The following NRXN3 variants were observed in gnomAD, a reference collection of about 807,000 sequenced individuals.
The protein encoded by NRXN3 is neurexin III.
In NRXN3, 32 loss-of-function variants were observed where a neutral mutation model predicts 137.6. The observed-to-expected ratio is 0.23, with a 90% confidence interval of 0.18 to 0.31. The LOEUF (loss-of-function observed/expected upper bound fraction) is 0.31. Among genes scored for constraint, NRXN3 ranks in the 10% least tolerant of loss-of-function variants. The pLI, the probability that NRXN3 is intolerant of heterozygous loss-of-function variation, is 1.00. For synonymous variants in NRXN3, 798 were observed against 784.5 expected (o/e 1.02, Z -0.29); for missense variants, 1,574 against 2,062.5 (o/e 0.76, Z 4.59).
Position 78,173,709 on chromosome 14 carries a change from C to CT in NRXN3, c.-704+3050dup, listed in dbSNP as rs10638142. ...CGGCTCTTTTTTCCCTTTTTCCTTG[C>CT]TTTTTTTTTTTTTTTGCAACACAAC... On this transcript the variant is annotated intron_variant, in intron 1 of 20. Transcript: ENST00000335750. Among the ~76,000 whole-genome samples the CT allele has an allele frequency of 5.6e-3, 391 of 69,342 alleles. 64 individuals are homozygous for CT. In the East Asian group the frequency reaches 0.15, roughly 27 times the overall value. The allele number at this position is 69,342 out of a possible 152,430, so 45.5% of individuals were successfully genotyped here.
intron 15 of NRXN3, among the ~76,000 whole-genome samples, chr14:79,393,662 A>C (rs1312886387): frequency 6.6e-6 from 1 of 152,138 alleles, no homozygotes; most frequent in Admixed American, 6.5e-5. Context: ...AAAATACAAA[A>C]AAATTAACCG....
intron 15 of NRXN3, among the ~76,000 whole-genome samples, chr14:79,251,425 C>T (rs899795086): frequency 1.3e-5 from 2 of 151,862 alleles, no homozygotes; most frequent in African/African-American, 4.8e-5. Flanking sequence ...GAATTTTGAG[C>T]CTGAATAAAT....
At chr14:79,121,769 A>T (rs988449839) in intron 15 of NRXN3, among the ~76,000 whole-genome samples, 13 of 152,226 alleles carry the variant, frequency 8.5e-5, no homozygotes, top group African/African-American at 3.1e-4. Context: ...TAAGAGCAAA[A>T]CATACACTTC....
chr14:79,740,710 TTTTATATATATATATATATATATATATA>T lies in NRXN3; in HGVS notation c.4014+42775_4014+42802del, dbSNP rs1315180748. On this transcript the variant is annotated intron_variant, in intron 19 of 20. Coordinates refer to ENST00000335750, the MANE Select transcript of NRXN3 (RefSeq NM_001330195.2). ...TTTCCACTGGACTTTGCATTTAGTTTTTTATATATATATATATATATATATATATATATATATATATATATATATATAT... is the reference window on the plus strand; with the variant it reads ...TTTCCACTGGACTTTGCATTTAGTTTTATATATATATATATATATATATAT... Among the ~76,000 whole-genome samples, 702 of 73,704 alleles carry T rather than the reference TTTTATATATATATATATATATATATATA, an allele frequency of 9.5e-3. 40 individuals are homozygous for T. The highest frequency in any genetic ancestry group is 0.031 in the African/African-American group (574 of 18,580). The allele number at this position is 73,704 out of a possible 152,430, so 48.4% of individuals were successfully genotyped here.
rs1296848887 is a variant in NRXN3 at position 78,645,123 on chromosome 14, G to T, written c.761G>T (p.Arg254Leu). The T allele has an allele frequency of 6.4e-7, 1 of 1,552,906 alleles. No individual in the cohort carries two copies. The highest frequency in any genetic ancestry group is 1.9e-5 in the Admixed American group (1 of 53,236). ...TTCCTCTTTTCTTTTCCTATAGCTC[G>T]AGAGGAGAATGTGGCCACTTTCCGA... ...LSHLMMSEQA[R>L]EENVATFRGS... Residue 254 changes from arginine to leucine, a missense_variant, in exon 5 of 21, where the codon CGA becomes CTA. By Grantham distance (102) the Arg-to-Leu change is moderately radical. Transcript: ENST00000335750.
At chr14:79,793,247 C>A (rs946484013) in intron 19 of NRXN3, among the ~76,000 whole-genome samples, 3 of 151,762 alleles carry the variant, frequency 2.0e-5, no homozygotes, top group African/African-American at 7.3e-5. Flanking sequence ...CTGGCTAACC[C>A]GGTGAAACAC....
chr14:79,414,281 A>G (rs1355753486), intron 15 of NRXN3, among the ~76,000 whole-genome samples: 1 of 152,172 alleles, frequency 6.6e-6, no homozygotes, highest in Non-Finnish European at 1.5e-5. Flanking sequence ...TGACTCAATC[A>G]TCCTAACATT....
At chr14:78,407,980 G>A (rs2092596650) in intron 4 of NRXN3, among the ~76,000 whole-genome samples, 1 of 152,130 alleles carries the variant, frequency 6.6e-6, no homozygotes, top group Non-Finnish European at 1.5e-5. Flanking sequence ...CGTGAAACAG[G>A]CCTGAGTTCT....
intron 4 of NRXN3, among the ~76,000 whole-genome samples, chr14:78,306,542 A>G (rs1462957007): frequency 1.3e-5 from 2 of 152,184 alleles, no homozygotes; most frequent in Non-Finnish European, 2.9e-5. Context: ...GAACAAGCAA[A>G]GTGCATTTCC....
intron 16 of NRXN3, among the ~76,000 whole-genome samples, chr14:79,604,763 G>A (rs956341409): frequency 7.9e-5 from 12 of 152,004 alleles, no homozygotes; most frequent in Admixed American, 6.6e-4. Flanking sequence ...TGGGTGTGGC[G>A]GCTCATGCCT....
At chr14:78,560,107 G>A (rs59904713) in intron 4 of NRXN3, among the ~76,000 whole-genome samples, 15,635 of 152,236 alleles carry the variant, frequency 0.1, 1,431 homozygotes, top group African/African-American at 0.24. Flanking sequence ...TAGGATCTAG[G>A]AGTGGAAAGT....
intron 15 of NRXN3, among the ~76,000 whole-genome samples, chr14:79,205,588 T>C (rs1285235699): frequency 6.6e-6 from 1 of 152,216 alleles, no homozygotes; most frequent in Non-Finnish European, 1.5e-5. Context: ...TCCACCATCA[T>C]CAATCACCAT....
chr14:79,620,380 T>C (rs1446778591), intron 16 of NRXN3, among the ~76,000 whole-genome samples: 1 of 152,108 alleles, frequency 6.6e-6, no homozygotes, highest in East Asian at 1.9e-4. Flanking sequence ...TGCATATGTG[T>C]TTTAAGTAGA....
At chr14:78,384,517 A>G (rs562239912) in intron 4 of NRXN3, among the ~76,000 whole-genome samples, 13 of 152,256 alleles carry the variant, frequency 8.5e-5, no homozygotes, top group Admixed American at 7.2e-4. Context: ...GCAATTTTCA[A>G]CTTTTATTTT....
intron 4 of NRXN3, among the ~76,000 whole-genome samples, chr14:78,457,023 T>C: frequency 7.1e-6 from 1 of 140,120 alleles, no homozygotes; most frequent in African/African-American, 2.6e-5. Flanking sequence ...CTCATCTCCC[T>C]TCCCTCCCCC....
At chr14:78,431,430 G>T (rs1358163178) in intron 4 of NRXN3, among the ~76,000 whole-genome samples, 2 of 152,230 alleles carry the variant, frequency 1.3e-5, no homozygotes, top group African/African-American at 4.8e-5. Flanking sequence ...GTATAGGAAT[G>T]AGTGGGATTA....
At chr14:79,285,728 A>T (rs1267810376) in intron 15 of NRXN3, among the ~76,000 whole-genome samples, 1 of 152,044 alleles carries the variant, frequency 6.6e-6, no homozygotes, top group Non-Finnish European at 1.5e-5. Context: ...TTTTAACTTA[A>T]TCATCTCTTT....
chr14:78,446,744 G>C (rs2094430409), intron 4 of NRXN3, among the ~76,000 whole-genome samples: 1 of 152,216 alleles, frequency 6.6e-6, no homozygotes, highest in Non-Finnish European at 1.5e-5. Context: ...TGAAGAATGA[G>C]TAGCTGCCCT....
chr14:78,365,030 C>T (rs949876568), intron 4 of NRXN3, among the ~76,000 whole-genome samples: 1 of 152,002 alleles, frequency 6.6e-6, no homozygotes, highest in Non-Finnish European at 1.5e-5. Flanking sequence ...CCTAGTAATG[C>T]AATGGAACCA....
Sources: gnomAD v4.1 joint callset for allele counts (sites outside exome capture counted in the v4.1 genomes callset) on GRCh38, gnomAD v4.1.1 for gene constraint, MANE v1.5 for transcripts, NCBI Gene and HGNC (gene_info 2026-07-23, HGNC 2026-07-21) for gene names.